The following FAM107B variants were observed in gnomAD, a reference collection of about 807,000 sequenced individuals.
The protein encoded by FAM107B is protein FAM107B.
FAM107B carries 21 observed loss-of-function variants against 31.5 expected under a neutral mutation model. The observed-to-expected ratio is 0.67, with a 90% CI of 0.47 to 0.96. FAM107B has a LOEUF of 0.96. FAM107B is among the 40% of genes least tolerant of loss of function. FAM107B has a pLI of 0.00. For synonymous variants in FAM107B, 157 were observed against 141.5 expected, an observed-to-expected ratio of 1.11 and a Z score of -0.78; for missense variants, 452 against 377.1, an observed-to-expected ratio of 1.20 and a Z score of -1.64.
chr10:14,526,154 A>G (rs1032615854), intron 3 of FAM107B, among the ~76,000 whole-genome samples: 10 of 152,128 alleles, frequency 6.6e-5, no homozygotes, highest in African/African-American at 2.4e-4. Context: ...TACAGGGAAA[A>G]TTTGATTTGA....
chr10:14,522,408 C>A (rs7910918), intron 3 of FAM107B, among the ~76,000 whole-genome samples: 4 of 149,900 alleles, frequency 2.7e-5, no homozygotes, highest in Admixed American at 1.3e-4. Flanking sequence ...CAAAATCTAG[C>A]CCCTGATTTT....
chr10:14,666,973 T>G (rs1200828793), intron 2 of FAM107B, among the ~76,000 whole-genome samples: 1 of 152,230 alleles, frequency 6.6e-6, no homozygotes, highest in Non-Finnish European at 1.5e-5. Flanking sequence ...GGAGCCATCT[T>G]CTAACACCGA....
intron 2 of FAM107B, among the ~76,000 whole-genome samples, chr10:14,544,481 C>T (rs749631484): frequency 2.0e-5 from 3 of 152,106 alleles, no homozygotes; most frequent in Non-Finnish European, 2.9e-5. Flanking sequence ...CCCAAATACA[C>T]GTGAAAAAAG....
chr10:14,559,006 C>A (rs1418746108), intron 2 of FAM107B, among the ~76,000 whole-genome samples: 1 of 151,262 alleles, frequency 6.6e-6, no homozygotes, highest in Non-Finnish European at 1.5e-5. Context: ...CCATGTGAAC[C>A]AACTGGCCTA....
intron 2 of FAM107B, among the ~76,000 whole-genome samples, chr10:14,627,696 C>G (rs1853200699): frequency 6.6e-6 from 1 of 152,078 alleles, no homozygotes; most frequent in South Asian, 2.1e-4. Context: ...TCGCTTGAGC[C>G]CAGGAGTTCA....
chr10:14,699,275 G>C (rs1467016228), intron 1 of FAM107B, among the ~76,000 whole-genome samples: 1 of 152,210 alleles, frequency 6.6e-6, no homozygotes, highest in Non-Finnish European at 1.5e-5. Flanking sequence ...TATTTATATA[G>C]ATGTGGAGAA....
intron 2 of FAM107B, among the ~76,000 whole-genome samples, chr10:14,590,060 A>G (rs1466042144): frequency 6.6e-6 from 1 of 152,212 alleles, no homozygotes; most frequent in Non-Finnish European, 1.5e-5. Context: ...TTCCAGGATG[A>G]GTTTTGGTTC....
intron 1 of FAM107B, among the ~76,000 whole-genome samples, chr10:14,711,448 A>G (rs1001088365): frequency 2.6e-5 from 4 of 152,132 alleles, no homozygotes; most frequent in African/African-American, 9.7e-5. Context: ...ACAAATACTT[A>G]CCATCGTGTT....
intron 2 of FAM107B, among the ~76,000 whole-genome samples, chr10:14,616,925 A>G (rs1852868485): frequency 1.3e-5 from 2 of 152,160 alleles, no homozygotes; most frequent in African/African-American, 2.4e-5. Flanking sequence ...TCTCAAAAAG[A>G]TAAAAATAAA....
At chr10:14,570,114 A>G in intron 2 of FAM107B, among the ~76,000 whole-genome samples, 1 of 152,250 alleles carries the variant, frequency 6.6e-6, no homozygotes, top group East Asian at 1.9e-4. Flanking sequence ...AAAAAACTGT[A>G]TGTAAATAAA....
intron 1 of FAM107B, among the ~76,000 whole-genome samples, chr10:14,729,856 C>T (rs1856131708): frequency 6.6e-6 from 1 of 152,080 alleles, no homozygotes; most frequent in Non-Finnish European, 1.5e-5. Context: ...TACTACGCAG[C>T]CATAAAAAAG....
At chr10:14,545,377 G>A (rs1848600830) in intron 2 of FAM107B, among the ~76,000 whole-genome samples, 1 of 152,110 alleles carries the variant, frequency 6.6e-6, no homozygotes, top group Non-Finnish European at 1.5e-5. Flanking sequence ...ATTGATCTGG[G>A]GGCTGGGGGT....
At chr10:14,597,584 GGGACAAA>G (rs1024783576) in intron 2 of FAM107B, among the ~76,000 whole-genome samples, 2 of 152,144 alleles carry the variant, frequency 1.3e-5, no homozygotes, top group African/African-American at 4.8e-5. Flanking sequence ...GTGGGGACAA[GGGACAAA>G]GCTCCCATCC....
chr10:14,654,737 C>A (rs10508480), intron 2 of FAM107B, among the ~76,000 whole-genome samples: 1 of 152,150 alleles, frequency 6.6e-6, no homozygotes, highest in Non-Finnish European at 1.5e-5. Flanking sequence ...TTGAAATACA[C>A]CAGTAACTAA....
rs957845650 is a variant in FAM107B at position 14,572,586 on chromosome 10, C to T, written c.470-42071G>A. On this transcript the variant is annotated intron_variant, in intron 2 of 4. Coordinates refer to ENST00000181796, the MANE Select transcript of FAM107B (RefSeq NM_031453.4). Reference sequence around the variant, plus strand: ...TGTTTAACATGGCGGAAGACAGGTGCGGTGGTGTGCACCCGTGGTCCTAGC... The same window carrying T: ...TGTTTAACATGGCGGAAGACAGGTGTGGTGGTGTGCACCCGTGGTCCTAGC... Among the ~76,000 whole-genome samples, 6 of 151,328 alleles carry T rather than the reference C, an allele frequency of 4.0e-5. No homozygotes were observed. In the East Asian group the frequency reaches 5.8e-4, roughly 15 times the overall value.
chr10:14,772,070 C>T (rs1437178685), intron 1 of FAM107B, among the ~76,000 whole-genome samples: 1 of 152,106 alleles, frequency 6.6e-6, no homozygotes, highest in Non-Finnish European at 1.5e-5. Flanking sequence ...TAAGAATATG[C>T]ACTGGCCGGG....
At chr10:14,762,255 C>T (rs528846701) in intron 1 of FAM107B, among the ~76,000 whole-genome samples, 23 of 152,308 alleles carry the variant, frequency 1.5e-4, no homozygotes, top group African/African-American at 5.5e-4. Flanking sequence ...CATGCACTAT[C>T]TTCCTTATTT....
At chr10:14,630,002 T>C (rs1301371431) in intron 2 of FAM107B, among the ~76,000 whole-genome samples, 1 of 152,170 alleles carries the variant, frequency 6.6e-6, no homozygotes, top group Non-Finnish European at 1.5e-5. Flanking sequence ...TTTTTGATGT[T>C]ACACAACAAA....
At chr10:14,626,507 T>TTG (rs760675065) in intron 2 of FAM107B, among the ~76,000 whole-genome samples, 1 of 130,046 alleles carries the variant, frequency 7.7e-6, no homozygotes, top group Non-Finnish European at 1.6e-5. Context: ...ATCTTTTTTT[T>TTG]CTTTTTTTTT....
Sources: allele counts gnomAD v4.1 joint callset (sites outside exome capture counted in the v4.1 genomes callset), GRCh38; gene constraint gnomAD v4.1.1; transcripts MANE v1.5; gene names NCBI Gene and HGNC (gene_info 2026-07-23, HGNC 2026-07-21).